Variants in SAMD3 observed in about 807,000 individuals in gnomAD.
SAMD3 encodes the protein sterile alpha motif domain-containing protein 3.
A neutral mutation model predicts 58.5 loss-of-function variants in SAMD3; 63 were observed. That is an observed-to-expected ratio of 1.08 (90% CI 0.88 to 1.33). SAMD3 has a LOEUF of 1.33. Among genes scored for constraint, SAMD3 ranks in the 40% most tolerant of loss-of-function variants. The pLI, the probability that SAMD3 is intolerant of heterozygous loss-of-function variation, is 0.00. For synonymous variants in SAMD3, 220 were observed against 210.3 expected, an observed-to-expected ratio of 1.05 and a Z score of -0.40; for missense variants, 604 against 608.4, an observed-to-expected ratio of 0.99 and a Z score of 0.08.
intron 2 of SAMD3, chr6:130,215,552 C>T: frequency 7.5e-7 from 1 of 1,329,404 alleles, no homozygotes. Context: ...ACTTTTTTTC[C>T]ACAGGCATCT....
intron 8 of SAMD3, among the ~76,000 whole-genome samples, chr6:130,158,813 C>A (rs1004481806): frequency 2.0e-5 from 3 of 152,272 alleles, no homozygotes; most frequent in African/African-American, 7.2e-5. Context: ...TAGTGGTTTC[C>A]CACTGGTGAC....
intron 1 of SAMD3, among the ~76,000 whole-genome samples, chr6:130,352,076 G>T (rs182288954): frequency 7.6e-6 from 1 of 131,438 alleles, no homozygotes; most frequent in South Asian, 3.0e-4. Flanking sequence ...GTTGGGGGGA[G>T]GGGGGAGGGA....
intron 5 of SAMD3, among the ~76,000 whole-genome samples, chr6:130,195,628 G>T (rs976117685): frequency 6.6e-6 from 1 of 151,980 alleles, no homozygotes; most frequent in Admixed American, 6.5e-5. Context: ...CTTCATCCCA[G>T]CCTCTCTTCG....
chr6:130,338,670 T>C (rs1777174973), intron 1 of SAMD3, among the ~76,000 whole-genome samples: 1 of 152,170 alleles, frequency 6.6e-6, no homozygotes, highest in Non-Finnish European at 1.5e-5. Context: ...TCAAGGGAGA[T>C]TATTTTAGAG....
chr6:130,216,825 C>A (rs760792900), intron 1 of SAMD3, among the ~76,000 whole-genome samples: 17 of 152,118 alleles, frequency 1.1e-4, no homozygotes, highest in African/African-American at 3.9e-4. Flanking sequence ...TCATTATTTG[C>A]GAGACTCTGG....
chr6:130,251,706 T>A (rs1310076108), intron 2 of SAMD3, among the ~76,000 whole-genome samples: 1 of 152,218 alleles, frequency 6.6e-6, no homozygotes, highest in Non-Finnish European at 1.5e-5. Flanking sequence ...TTTCTAGGCT[T>A]TCAAGTTTAT....
At chr6:130,315,348 T>C (rs1312513716) in intron 1 of SAMD3, among the ~76,000 whole-genome samples, 1 of 152,170 alleles carries the variant, frequency 6.6e-6, no homozygotes, top group Non-Finnish European at 1.5e-5. Flanking sequence ...TGGGAATAAT[T>C]TTCATAAGAA....
rs1045519244 is a variant in SAMD3, at chr6:130,166,865, C to T, written c.822+8976G>A. ...ATTAGTCTCAGCAGCATTTTGAAGG[C>T]TAGATAATGGTAAGCATTGGCAGGA... On this transcript the variant is annotated intron_variant, in intron 8 of 11. Transcript: ENST00000439090. 2.6e-5 allele frequency among the ~76,000 whole-genome samples: 4 copies of T among 152,162 alleles called. No homozygotes were observed. In the East Asian group the frequency reaches 5.8e-4, roughly 22 times the overall value.
intron 1 of SAMD3, among the ~76,000 whole-genome samples, chr6:130,360,981 C>T (rs1777970727): frequency 6.6e-6 from 1 of 152,162 alleles, no homozygotes. Context: ...CTCTTATTCC[C>T]TGAACAATTG....
chr6:130,328,475 A>G (rs1438440813), intron 1 of SAMD3, among the ~76,000 whole-genome samples: 1 of 152,118 alleles, frequency 6.6e-6, no homozygotes, highest in Non-Finnish European at 1.5e-5. Flanking sequence ...TAATCCCATA[A>G]CTCCACCTAA....
At chr6:130,170,390 T>C (rs1049522112) in intron 8 of SAMD3, among the ~76,000 whole-genome samples, 6 of 152,268 alleles carry the variant, frequency 3.9e-5, no homozygotes, top group Admixed American at 3.9e-4. Flanking sequence ...TTCTTTTTTA[T>C]GGCTGCATAG....
chr6:130,267,066 T>C (rs1270720106), intron 2 of SAMD3, among the ~76,000 whole-genome samples: 2 of 152,232 alleles, frequency 1.3e-5, no homozygotes, highest in African/African-American at 4.8e-5. Context: ...AGACTAGCTC[T>C]CGACTACTTG....
At position 130,280,473 on chromosome 6, in the gene SAMD3, C is replaced by T. The variant is rs148622860; in HGVS notation, c.-188+32505G>A. On this transcript the variant is annotated intron_variant, in intron 2 of 13. Coordinates refer to the SAMD3 transcript ENST00000368134. Reference sequence around the variant, plus strand: ...CTCACATGCCTCCCCGTGGCACTCACATTCCCTCCCAAAGCTTGAAAATAT... The same window carrying T: ...CTCACATGCCTCCCCGTGGCACTCATATTCCCTCCCAAAGCTTGAAAATAT... 1.8e-4 allele frequency among the ~76,000 whole-genome samples: 27 copies of T among 152,278 alleles called. No individual in the cohort carries two copies. The East Asian group carries it at 5.2e-3, about 29-fold the overall frequency.
chr6:130,236,702 C>T (rs539927358), intron 2 of SAMD3, among the ~76,000 whole-genome samples: 1 of 152,242 alleles, frequency 6.6e-6, no homozygotes, highest in South Asian at 2.1e-4. Context: ...TTTTATATTA[C>T]CCAAGTTATC....
upstream of SAMD3, chr6:130,365,429 G>A (rs1778110614): frequency 3.0e-6 from 3 of 985,470 alleles, no homozygotes; most frequent in African/African-American, 1.7e-5. Flanking sequence ...GTCTTTTCCG[G>A]CCAGGTTTGG....
intron 1 of SAMD3, among the ~76,000 whole-genome samples, chr6:130,355,659 C>A (rs1020957437): frequency 6.6e-6 from 1 of 152,082 alleles, no homozygotes; most frequent in African/African-American, 2.4e-5. Context: ...ACCCACCAGG[C>A]AATAAAAGAA....
chr6:130,362,694 A>G (rs1274587978), intron 1 of SAMD3, among the ~76,000 whole-genome samples: 1 of 152,208 alleles, frequency 6.6e-6, no homozygotes, highest in Non-Finnish European at 1.5e-5. Flanking sequence ...TATCTAATAT[A>G]GATGATTCTG....
At chr6:130,291,941 G>C (rs369855390) in intron 2 of SAMD3, among the ~76,000 whole-genome samples, 81 of 152,152 alleles carry the variant, frequency 5.3e-4, no homozygotes, top group African/African-American at 1.8e-3. Context: ...AAATAATTTA[G>C]CTTAGAAAAA....
intron 1 of SAMD3, among the ~76,000 whole-genome samples, chr6:130,327,308 T>C (rs963302579): frequency 2.0e-5 from 3 of 152,190 alleles, no homozygotes; most frequent in African/African-American, 7.2e-5. Context: ...TAAAGAAAGC[T>C]GCCAGTAAAC....
Sources: gnomAD v4.1 joint callset for allele counts (sites outside exome capture counted in the v4.1 genomes callset) on GRCh38, gnomAD v4.1.1 for gene constraint, MANE v1.5 for transcripts, NCBI Gene and HGNC (gene_info 2026-07-23, HGNC 2026-07-21) for gene names.